Variants in ZPBP observed in about 807,000 individuals in gnomAD.
ZPBP encodes the protein zona pellucida-binding protein 1.
ZPBP carries 26 observed loss-of-function variants against 44.8 expected under a neutral mutation model. The ratio of observed to expected loss-of-function variants is 0.58; its 90% CI spans 0.43 to 0.81. The LOEUF (loss-of-function observed/expected upper bound fraction) is 0.81, where lower values mean the gene tolerates loss of function less well. Ranked by LOEUF, ZPBP falls within the 30% of genes least tolerant of loss-of-function variation. The pLI is 0.00. For missense variants in ZPBP, 409 were observed against 434.0 expected (o/e 0.94, Z 0.51); for synonymous variants, 174 against 153.2 (o/e 1.14, Z -1.00).
At chr7:49,855,873 G>C (rs1790398100) in intron 2 of ZPBP, among the ~76,000 whole-genome samples, 1 of 152,148 alleles carries the variant, frequency 6.6e-6, no homozygotes, top group Admixed American at 6.5e-5. Context: ...CCAGGGATTT[G>C]GTGAGAGGGA....
intron 2 of ZPBP, among the ~76,000 whole-genome samples, chr7:49,854,894 C>T (rs990714941): frequency 6.6e-6 from 1 of 152,164 alleles, no homozygotes; most frequent in Non-Finnish European, 1.5e-5. Flanking sequence ...AACTATGAAG[C>T]TCAAAAAGGT....
intron 2 of ZPBP, among the ~76,000 whole-genome samples, chr7:49,883,311 G>A (rs1392749132): frequency 2.0e-5 from 3 of 152,018 alleles, no homozygotes; most frequent in Non-Finnish European, 2.9e-5. Context: ...AAACCAGGCC[G>A]AGTTAGCAAG....
At chr7:49,981,216 T>G (rs1314959170) in intron 7 of ZPBP, among the ~76,000 whole-genome samples, 2 of 117,958 alleles carry the variant, frequency 1.7e-5, no homozygotes, top group Admixed American at 2.2e-4. Flanking sequence ...TAATGTAATA[T>G]ATATTTATAT....
At chr7:50,067,671 A>C (rs562933929) in intron 3 of ZPBP, among the ~76,000 whole-genome samples, 100 of 152,334 alleles carry the variant, frequency 6.6e-4, no homozygotes, top group African/African-American at 2.3e-3. Flanking sequence ...CCAGCAATGA[A>C]AAGGGCCTCC....
intron 6 of ZPBP, among the ~76,000 whole-genome samples, chr7:50,008,874 G>A (rs1457187562): frequency 1.3e-5 from 2 of 152,022 alleles, no homozygotes; most frequent in Non-Finnish European, 2.9e-5. Flanking sequence ...AAGCAAAAGA[G>A]TAAATAAAGA....
At chr7:49,912,332 G>A in intron 1 of ZPBP, 1 of 757,062 alleles carries the variant, frequency 1.3e-6, no homozygotes, top group Non-Finnish European at 2.0e-6. Flanking sequence ...CTTGATAACA[G>A]TTACTACAAC....
intron 2 of ZPBP, among the ~76,000 whole-genome samples, chr7:49,890,311 CA>C (rs1562755297): frequency 6.6e-6 from 1 of 152,088 alleles, no homozygotes; most frequent in Non-Finnish European, 1.5e-5. Flanking sequence ...GGGACACATG[CA>C]AAATTGTATT....
intron 5 of ZPBP, among the ~76,000 whole-genome samples, chr7:50,027,713 T>A (rs78145227): frequency 3.3e-5 from 5 of 151,976 alleles, no homozygotes; most frequent in African/African-American, 7.2e-5. Flanking sequence ...AACATTCACA[T>A]AGAGAAATCA....
chr7:50,021,181 T>A (rs956330743), intron 5 of ZPBP, among the ~76,000 whole-genome samples: 3 of 152,034 alleles, frequency 2.0e-5, no homozygotes, highest in Non-Finnish European at 4.4e-5. Flanking sequence ...AAACTGTCCC[T>A]GAGGAAACAC....
At chr7:49,922,592 C>T (rs953681743) in intron 1 of ZPBP, among the ~76,000 whole-genome samples, 1 of 152,170 alleles carries the variant, frequency 6.6e-6, no homozygotes, top group African/African-American at 2.4e-5. Flanking sequence ...AGAGTTTAGT[C>T]TGGCATTCTG....
At chr7:49,981,532 TATA>T (rs1796936556) in intron 7 of ZPBP, among the ~76,000 whole-genome samples, 1 of 89,698 alleles carries the variant, frequency 1.1e-5, no homozygotes, top group African/African-American at 4.5e-5. Context: ...TAATATATAT[TATA>T]ATTTTATATA....
chr7:50,029,793 T>A (rs576597343), intron 5 of ZPBP, among the ~76,000 whole-genome samples: 8 of 152,246 alleles, frequency 5.3e-5, no homozygotes, highest in Admixed American at 5.2e-4. Context: ...AATAATCTCT[T>A]TAATGAGTCT....
At chr7:50,063,763 C>T (rs1489984927) in intron 3 of ZPBP, among the ~76,000 whole-genome samples, 1 of 152,212 alleles carries the variant, frequency 6.6e-6, no homozygotes, top group Non-Finnish European at 1.5e-5. Context: ...ACTCTTCCTT[C>T]TTAGGCTAAG....
At chr7:49,966,821 A>T (rs886204129) in intron 7 of ZPBP, among the ~76,000 whole-genome samples, 6 of 152,050 alleles carry the variant, frequency 3.9e-5, no homozygotes, top group Non-Finnish European at 8.8e-5. Context: ...CCACAATAGA[A>T]ATGGGGTTAT....
At chr7:50,060,279 C>T (rs1230794101) in intron 3 of ZPBP, among the ~76,000 whole-genome samples, 1 of 151,438 alleles carries the variant, frequency 6.6e-6, no homozygotes, top group Non-Finnish European at 1.5e-5. Context: ...GGAGCATGGC[C>T]AGGGACACCA....
At chr7:50,029,774 T>C (rs1799509475) in intron 5 of ZPBP, among the ~76,000 whole-genome samples, 2 of 152,214 alleles carry the variant, frequency 1.3e-5, no homozygotes, top group Admixed American at 1.3e-4. Flanking sequence ...ATGCTTTATT[T>C]CTATTGGAAA....
At chr7:49,873,228 C>T (rs1349201037) in intron 2 of ZPBP, among the ~76,000 whole-genome samples, 1 of 152,164 alleles carries the variant, frequency 6.6e-6, no homozygotes, top group African/African-American at 2.4e-5. Context: ...AGACAACAGA[C>T]ATTTATTTTT....
intron 3 of ZPBP, among the ~76,000 whole-genome samples, chr7:50,072,097 T>C (rs1382033529): frequency 1.3e-5 from 2 of 152,288 alleles, no homozygotes; most frequent in East Asian, 3.9e-4. Flanking sequence ...CAGGGCTTGA[T>C]GTTTGGATGG....
chr7:49,875,287 CTG>C (rs1441038044), intron 2 of ZPBP, among the ~76,000 whole-genome samples: 6 of 138,148 alleles, frequency 4.3e-5, no homozygotes, highest in African/African-American at 1.6e-4. Flanking sequence ...GGAGAATCGC[CTG>C]AACCCAGGAG....
Sources: gnomAD v4.1 joint callset for allele counts (sites outside exome capture counted in the v4.1 genomes callset) on GRCh38, gnomAD v4.1.1 for gene constraint, MANE v1.5 for transcripts, NCBI Gene and HGNC (gene_info 2026-07-23, HGNC 2026-07-21) for gene names.